RPL21: variants seen among roughly 807,000 people sequenced by gnomAD.
RPL21 encodes ribosomal protein L21.
In RPL21, 1 loss-of-function variant was observed where a neutral mutation model predicts 21.2. The ratio of observed to expected loss-of-function variants is 0.05; its 90% confidence interval spans 0.02 to 0.22. The LOEUF (loss-of-function observed/expected upper bound fraction) is 0.22. RPL21 is among the 10% of genes least tolerant of loss of function. The pLI, the probability that RPL21 is intolerant of heterozygous loss-of-function variation, is 1.00. For missense variants in RPL21, 113 were observed against 199.4 expected, an observed-to-expected ratio of 0.57 and a Z score of 2.61; for synonymous variants, 52 against 62.9, an observed-to-expected ratio of 0.83 and a Z score of 0.82.
chr13:27,252,317 T>G (rs1042780268), intron 1 of RPL21, among the ~76,000 whole-genome samples: 7 of 152,124 alleles, frequency 4.6e-5, no homozygotes, highest in African/African-American at 1.7e-4. Flanking sequence ...ATGCTTTGAG[T>G]GAAGGGAAAC....
intron 1 of RPL21, chr13:27,251,849 G>C (rs1881661817): frequency 2.0e-5 from 3 of 152,418 alleles, no homozygotes; most frequent in Non-Finnish European, 2.9e-5. Flanking sequence ...GAGTCGCTTG[G>C]GGTGAGGCGA....
Position 27,256,425 on chromosome 13 carries a change from T to TC in RPL21, c.394-9dup. On this transcript the variant is annotated splice_polypyrimidine_tract_variant and intron_variant, in intron 5 of 5. Coordinates refer to ENST00000311549, the MANE Select transcript of RPL21 (RefSeq NM_000982.4). ...ATAATTATTTTATTCCCTTTTTTTT[T>TC]CCTTTAATAGCCTGCTCCACCCAGA... 1 of 1,587,192 alleles carries TC rather than the reference T, an allele frequency of 6.3e-7. No individual in the cohort carries two copies. The highest frequency in any genetic ancestry group is 2.2e-5 in the East Asian group (1 of 44,738).
Position 27,251,592 on chromosome 13 carries a change from C to A in RPL21, c.-13+7C>A, listed in dbSNP as rs1277360408. The A allele has an allele frequency of 6.6e-6, 1 of 152,422 alleles. No individual in the cohort carries two copies. Among genetic ancestry groups the A allele is most frequent in the African/African-American group, 2.4e-5 (1 of 41,484 alleles). The allele number at this position is 152,422 out of a possible 1,614,324, so 9.4% of individuals were successfully genotyped here. ...CGGAACCGCCATCTTCCAGGTAGGG[C>A]CTACGCGTGGCTCCCGGGCGCTAGG... On this transcript the variant is annotated splice_region_variant and intron_variant, in intron 1 of 5. Coordinates refer to ENST00000311549, the MANE Select transcript of RPL21 (RefSeq NM_000982.4).
At chr13:27,252,133 G>A (rs950737432) in intron 1 of RPL21, among the ~76,000 whole-genome samples, 1 of 152,120 alleles carries the variant, frequency 6.6e-6, no homozygotes, top group African/African-American at 2.4e-5. Flanking sequence ...AGTGGGTCCC[G>A]GAGTCGTCCT....
Position 27,255,227 on chromosome 13 carries a change from T to G in RPL21, c.130-15T>G, listed in dbSNP as rs749701636. The G allele has an allele frequency of 2.0e-6, 2 of 1,005,516 alleles. No individual in the cohort carries two copies. The highest frequency in any genetic ancestry group is 3.4e-5 in the Admixed American group (2 of 59,296). The allele number at this position is 1,005,516 out of a possible 1,614,324, so 62.3% of individuals were successfully genotyped here. On this transcript the variant is annotated splice_polypyrimidine_tract_variant and intron_variant, in intron 3 of 5. Transcript: ENST00000311549. ...AAGGGGAAATGCTGGTATATAACAT[T>G]GGTTTCTTTAATAGGGAATGGGTAC...
intron 3 of RPL21, chr13:27,254,602 C>G (rs1051670624): frequency 5.3e-5 from 18 of 340,132 alleles, no homozygotes; most frequent in African/African-American, 2.6e-4. Flanking sequence ...CCATGTTGGT[C>G]AGGCTGGTCT....
chr13:27,252,111 T>G (rs1269220523), intron 1 of RPL21, among the ~76,000 whole-genome samples: 1 of 152,138 alleles, frequency 6.6e-6, no homozygotes, highest in Non-Finnish European at 1.5e-5. Flanking sequence ...AAACCCGGGC[T>G]CTCGGTCGGA....
At chr13:27,253,931 A>G in intron 2 of RPL21, 88 bp downstream of exon 2, 1 of 834,992 alleles carries the variant, frequency 1.2e-6, no homozygotes, top group South Asian at 1.4e-5. Flanking sequence ...TAGAATGTGT[A>G]TCAATAGAAT....
chr13:27,255,518 G>C (rs753307222), intron 4 of RPL21, 164 bp downstream of exon 4: 1 of 760,138 alleles, frequency 1.3e-6, no homozygotes, highest in Non-Finnish European at 2.4e-6. Flanking sequence ...CCTGTCAGAG[G>C]AAACAAATTG....
At position 27,254,862 on chromosome 13, in the gene RPL21, A is replaced by C. The variant is rs112640867; in HGVS notation, c.130-380A>C. ...AAGTGCTATTCTTAGCAGAATTTAA[A>C]TTTTCCTCATTACCCGCTTGGAGTT... is the stretch of plus-strand genomic sequence containing the variant. On this transcript the variant is annotated intron_variant, in intron 3 of 5. Transcript: ENST00000311549. The C allele has an allele frequency of 1.3e-5, 5 of 372,120 alleles. 1 individual carries two copies. Among genetic ancestry groups the C allele is most frequent in the African/African-American group, 4.2e-5 (2 of 47,480 alleles). 23.1% of individuals were successfully genotyped at this position (372,120 alleles called of 1,614,324 possible).
Position 27,254,278 on chromosome 13 carries a change from C to G in RPL21, c.126C>G (p.Ile42Met). ...ATAAGAAAGGTGATATTGTAGACAT[C>G]AAGGTAAACATAAAATTGGGAAAAT... ...RIYKKGDIVD[I>M]KGMGTVQKGM... is the part of the protein sequence containing the mutation. The change falls in exon 3 of 6, where the codon ATC (isoleucine) becomes ATG (methionine). Residue 42 changes from isoleucine (I) to methionine (M), a missense_variant. Transcript: ENST00000311549. The G allele has an allele frequency of 6.4e-7, 1 of 1,568,138 alleles. No individual in the cohort carries two copies. The highest frequency in any genetic ancestry group is 2.2e-5 in the East Asian group (1 of 44,550).
intron 1 of RPL21, among the ~76,000 whole-genome samples, chr13:27,252,990 A>G (rs1275931077): frequency 6.6e-6 from 1 of 152,232 alleles, no homozygotes. Context: ...AACAAAGGAA[A>G]GGTTAATTTC....
At position 27,256,449 on chromosome 13, in the gene RPL21, G is replaced by C. The variant is rs1225461450; in HGVS notation, c.407G>C (p.Arg136Thr). Residue 136 changes from arginine to threonine, a missense_variant, in exon 6 of 6, where the codon AGA (arginine) becomes ACA (threonine). Transcript: ENST00000311549. ...VQLKRQPAPP[R>T]EAHFVRTNGK... ...TTCCTTTAATAGCCTGCTCCACCCAGAGAAGCACACTTTGTGAGAACCAAT... is the reference window on the plus strand; with the variant it reads ...TTCCTTTAATAGCCTGCTCCACCCACAGAAGCACACTTTGTGAGAACCAAT... 1 of 1,582,464 alleles carries C rather than the reference G, an allele frequency of 6.3e-7. No homozygotes were observed. The highest frequency in any genetic ancestry group is 8.7e-7 in the Non-Finnish European group (1 of 1,151,926).
intron 1 of RPL21, among the ~76,000 whole-genome samples, chr13:27,252,088 C>G (rs796316197): frequency 3.3e-5 from 5 of 152,186 alleles, no homozygotes; most frequent in African/African-American, 1.2e-4. Context: ...TTCTGTGAAG[C>G]CTACAGGTGT....
At chr13:27,254,090 T>C (rs1387645481) in intron 2 of RPL21, 130 bp from the exon 3 acceptor site, 7 of 733,192 alleles carry the variant, frequency 9.5e-6, no homozygotes, top group Non-Finnish European at 1.2e-5. Flanking sequence ...TCAGGAGAAA[T>C]TGTCCATTGG....
chr13:27,254,885 G>A (rs1388206136), intron 3 of RPL21: 2 of 392,850 alleles, frequency 5.1e-6, no homozygotes, highest in Non-Finnish European at 9.7e-6. Context: ...CCCGCTTGGA[G>A]TTAACAGCTA....
intron 3 of RPL21, 91 bp from the exon 4 acceptor site, chr13:27,255,151 G>C: frequency 1.3e-6 from 1 of 784,450 alleles, no homozygotes; most frequent in East Asian, 2.4e-5. Flanking sequence ...GTTGCCATTT[G>C]AAAGAAATCT....
chr13:27,252,160 C>G (rs556814972), intron 1 of RPL21, among the ~76,000 whole-genome samples: 1 of 152,274 alleles, frequency 6.6e-6, no homozygotes, highest in African/African-American at 2.4e-5. Flanking sequence ...TGAACCCTCA[C>G]TGCCCTTAGT....
Position 27,253,950 on chromosome 13 carries a change from T to C in RPL21, c.67+107T>C, listed in dbSNP as rs147375303. 1,972 of 777,062 alleles carry C rather than the reference T, an allele frequency of 2.5e-3. 31 individuals carry two copies. The African/African-American group carries it at 0.031, about 12-fold the overall frequency. The allele number at this position is 777,062 out of a possible 1,614,324, so 48.1% of individuals were successfully genotyped here. On this transcript the variant is annotated intron_variant, in intron 2 of 5. Coordinates refer to ENST00000311549, the MANE Select transcript of RPL21 (RefSeq NM_000982.4). Reference sequence around the variant, plus strand: ...ATGTGTATCAATAGAATTAAATAACTAGCGTCTACCCAGCTTATTTCGTGA... The same window carrying C: ...ATGTGTATCAATAGAATTAAATAACCAGCGTCTACCCAGCTTATTTCGTGA...
Sources: allele counts gnomAD v4.1 joint callset (sites outside exome capture counted in the v4.1 genomes callset), GRCh38; gene constraint gnomAD v4.1.1; transcripts MANE v1.5; gene names NCBI Gene and HGNC (gene_info 2026-07-23, HGNC 2026-07-21).